The following HYDIN variants were observed in gnomAD, a reference collection of about 807,000 sequenced individuals.
HYDIN encodes axonemal central pair apparatus protein HYDIN.
A neutral mutation model predicts 403.9 loss-of-function variants in HYDIN; 132 were observed. The observed-to-expected ratio is 0.33, with a 90% CI of 0.28 to 0.38. The LOEUF (loss-of-function observed/expected upper bound fraction) is 0.38. Among genes scored for constraint, HYDIN ranks in the 10% least tolerant of loss-of-function variants. The probability of loss-of-function intolerance (pLI) is 1.00; values close to 1 mark genes in which losing one functional copy is unlikely to be tolerated. For synonymous variants in HYDIN, 1,202 were observed against 1,891.7 expected, an observed-to-expected ratio of 0.64 and a Z score of 9.46; for missense variants, 2,827 against 5,009.5, an observed-to-expected ratio of 0.56 and a Z score of 13.15.
At chr16:70,908,597 A>G (rs976389549) in intron 48 of HYDIN, 56 bp downstream of exon 48, 26 of 1,497,286 alleles carry the variant, frequency 1.7e-5, no homozygotes, top group Non-Finnish European at 2.3e-5. Context: ...TGACAGTCAC[A>G]CCCTCAGTGT....
rs979002979 is a variant in HYDIN, at chr16:70,805,395, G to A, written c.*2185C>T. Among the ~76,000 whole-genome samples, 1 of 152,212 alleles carries A rather than the reference G, an allele frequency of 6.6e-6. No individual in the cohort carries two copies. The highest frequency in any genetic ancestry group is 2.4e-5 in the African/African-American group (1 of 41,448). On this transcript the variant is annotated 3_prime_UTR_variant, in exon 86 of 86. Transcript: ENST00000393567. ...GTGATGCTGATGCTGCAGGTCCATA[G>A]GCCACTCCGAATAACCAGGAGGCTC...
chr16:71,229,836 T>C (rs1351004333), intron 1 of HYDIN, among the ~76,000 whole-genome samples: 1 of 152,224 alleles, frequency 6.6e-6, no homozygotes, highest in East Asian at 1.9e-4. Context: ...TGATATGGTT[T>C]GGCTGTGTCC....
Position 70,832,967 on chromosome 16 carries a change from G to T in HYDIN, c.13780C>A (p.His4594Asn). Residue 4594 changes from histidine (H) to asparagine (N), a missense_variant, in exon 80 of 86, where the codon CAT (histidine) becomes AAT (asparagine). Physicochemically the swap from His to Asn is moderately conservative, Grantham distance 68. Coordinates refer to ENST00000393567, the MANE Select transcript of HYDIN (RefSeq NM_001270974.2). The part of the protein sequence containing the change: ...GMEVSFEVTY[H>N]PTEVGKESLC... ...CTCTCCTTTCCCACCTCGGTGGGAT[G>T]GTAGGTCACTTCAAAAGAAACCTCC... The T allele has an allele frequency of 6.2e-7, 1 of 1,614,194 alleles. No homozygotes were observed. Among genetic ancestry groups the T allele is most frequent in the Non-Finnish European group, 8.5e-7 (1 of 1,179,988 alleles).
At chr16:70,841,477 G>A (rs576364069) in intron 75 of HYDIN, among the ~76,000 whole-genome samples, 8 of 151,998 alleles carry the variant, frequency 5.3e-5, no homozygotes, top group African/African-American at 1.7e-4. Flanking sequence ...GGAGCTTCCC[G>A]AACTCTCAAT....
intron 13 of HYDIN, among the ~76,000 whole-genome samples, chr16:71,073,157 T>C (rs1200732865): frequency 2.0e-5 from 3 of 152,352 alleles, no homozygotes; most frequent in Admixed American, 6.5e-5. Flanking sequence ...AGATAGCTTC[T>C]GCTCAAGACT....
intron 1 of HYDIN, among the ~76,000 whole-genome samples, chr16:71,211,328 G>GTACC (rs1207624187): frequency 6.6e-6 from 1 of 152,122 alleles, no homozygotes; most frequent in Non-Finnish European, 1.5e-5. Context: ...AGATGCTGAG[G>GTACC]TACCTGGTAA....
chr16:71,150,565 C>T (rs988105574), intron 7 of HYDIN, among the ~76,000 whole-genome samples: 4 of 150,948 alleles, frequency 2.6e-5, no homozygotes, highest in African/African-American at 9.8e-5. Flanking sequence ...AAAGATGAGG[C>T]ATTAACCTAA....
At chr16:70,865,774 T>C (rs1456068509) in intron 67 of HYDIN, among the ~76,000 whole-genome samples, 2 of 152,224 alleles carry the variant, frequency 1.3e-5, no homozygotes, top group East Asian at 3.9e-4. Flanking sequence ...GGAGAAATGA[T>C]GGTCTTTTGG....
At chr16:71,074,475 A>C (rs573930354) in intron 13 of HYDIN, among the ~76,000 whole-genome samples, 16 of 151,936 alleles carry the variant, frequency 1.1e-4, no homozygotes, top group Admixed American at 3.3e-4. Flanking sequence ...TGAGGTCAGG[A>C]GTTCCAGACC....
intron 45 of HYDIN, among the ~76,000 whole-genome samples, chr16:70,929,583 TG>T (rs1267604378): frequency 2.0e-5 from 3 of 146,500 alleles, no homozygotes; most frequent in African/African-American, 7.5e-5. Flanking sequence ...GGTTCTGTGA[TG>T]TTTTTTTCTT....
chr16:71,230,708 G>C lies in HYDIN; in HGVS notation c.-170C>G. ...TCCATGCGCCGCCCGAGCTGTTGCC[G>C]TCCGTTGCCACGGTAACCACGGAGC... On this transcript the variant is annotated 5_prime_UTR_variant, in exon 1 of 86. Transcript: ENST00000393567. 1 of 1,535,974 alleles carries C rather than the reference G, an allele frequency of 6.5e-7. No individual in the cohort carries two copies. The highest frequency in any genetic ancestry group is 2.4e-5 in the East Asian group (1 of 40,902).
At chr16:71,000,286 C>T (rs1200648795) in intron 23 of HYDIN, among the ~76,000 whole-genome samples, 1 of 150,100 alleles carries the variant, frequency 6.7e-6, no homozygotes, top group Non-Finnish European at 1.5e-5. Flanking sequence ...ATGCCCTCCA[C>T]TGATACTGGA....
chr16:70,985,352 A>T, intron 27 of HYDIN, 30 bp from the exon 28 acceptor site: 1 of 1,113,686 alleles, frequency 9.0e-7, no homozygotes, highest in Non-Finnish European at 1.3e-6. Context: ...GAGTGACTCC[A>T]TCTTGGGATG....
At chr16:70,902,665 C>T (rs1247389828) in intron 52 of HYDIN, among the ~76,000 whole-genome samples, 16 of 147,062 alleles carry the variant, frequency 1.1e-4, no homozygotes, top group Admixed American at 6.0e-4. Context: ...TTGATGGCCC[C>T]GAAGTCACAG....
chr16:70,953,634 C>A (rs1439311378), intron 40 of HYDIN, among the ~76,000 whole-genome samples: 2 of 152,106 alleles, frequency 1.3e-5, no homozygotes, highest in South Asian at 2.1e-4. Context: ...CCTCCTGGCT[C>A]ATTCTGGGCT....
At chr16:71,182,318 T>C (rs956880523) in intron 3 of HYDIN, among the ~76,000 whole-genome samples, 13 of 152,162 alleles carry the variant, frequency 8.5e-5, no homozygotes, top group African/African-American at 3.1e-4. Flanking sequence ...AAAACATTCT[T>C]ACTGCTTTGT....
chr16:70,962,435 T>A (rs2078447469), intron 37 of HYDIN, among the ~76,000 whole-genome samples: 1 of 151,884 alleles, frequency 6.6e-6, no homozygotes, highest in East Asian at 1.9e-4. Context: ...ACAAAAAGAG[T>A]TGGAGATAGA....
At chr16:71,085,834 T>C (rs1244537172) in intron 12 of HYDIN, among the ~76,000 whole-genome samples, 1 of 152,224 alleles carries the variant, frequency 6.6e-6, no homozygotes, top group East Asian at 1.9e-4. Flanking sequence ...TTTCAACCTA[T>C]TCATATCTTT....
At chr16:70,921,553 C>T (rs539009694) in intron 45 of HYDIN, among the ~76,000 whole-genome samples, 2 of 152,184 alleles carry the variant, frequency 1.3e-5, no homozygotes, top group South Asian at 4.1e-4. Flanking sequence ...GCCATATGCA[C>T]CTGCCTCAGG....
Sources: allele counts gnomAD v4.1 joint callset (sites outside exome capture counted in the v4.1 genomes callset), GRCh38; gene constraint gnomAD v4.1.1; transcripts MANE v1.5; gene names NCBI Gene and HGNC (gene_info 2026-07-23, HGNC 2026-07-21).